Variants in STK31 observed in about 807,000 individuals in gnomAD.
STK31 encodes the protein serine/threonine kinase 31, also known as serine/threonine-protein kinase 31.
In STK31, 89 loss-of-function variants were observed where a neutral mutation model predicts 129.7. The observed-to-expected ratio is 0.69, with a 90% CI of 0.58 to 0.82. The LOEUF is 0.82. STK31 is among the 40% of genes least tolerant of loss of function. STK31 has a pLI of 0.00. For missense variants in STK31, 1,187 were observed against 1,176.4 expected (o/e 1.01, Z -0.13); for synonymous variants, 448 against 395.3 (o/e 1.13, Z -1.58).
At chr7:23,754,778 C>T (rs1011383611) in intron 10 of STK31, among the ~76,000 whole-genome samples, 1 of 152,080 alleles carries the variant, frequency 6.6e-6, no homozygotes, top group South Asian at 2.1e-4. Flanking sequence ...TGTTAGTTTG[C>T]CGAAGATGAT....
chr7:23,730,518 T>C (rs1787338142), intron 6 of STK31, among the ~76,000 whole-genome samples: 1 of 152,130 alleles, frequency 6.6e-6, no homozygotes, highest in Non-Finnish European at 1.5e-5. Flanking sequence ...GGGAGGCTTG[T>C]TTTGGATTTC....
At chr7:23,779,618 G>T (rs1385556256) in intron 15 of STK31, among the ~76,000 whole-genome samples, 1 of 152,126 alleles carries the variant, frequency 6.6e-6, no homozygotes, top group East Asian at 1.9e-4. Flanking sequence ...GAACTTCCTG[G>T]TGGCTTTGTT....
chr7:23,725,882 T>C (rs1787033473), intron 4 of STK31: 1 of 152,240 alleles, frequency 6.6e-6, no homozygotes, highest in Non-Finnish European at 1.5e-5. Flanking sequence ...AACAAGGGAC[T>C]CAGGGTGCTT....
At chr7:23,727,022 A>G (rs1787129617) in intron 4 of STK31, among the ~76,000 whole-genome samples, 1 of 152,146 alleles carries the variant, frequency 6.6e-6, no homozygotes. Context: ...TGAACTCTGA[A>G]GTCAGAAGTT....
At chr7:23,722,794 C>G (rs1320829385) in intron 4 of STK31, 4 of 143,454 alleles carry the variant, frequency 2.8e-5, no homozygotes, top group Non-Finnish European at 6.3e-5. Context: ...TGGCGGACGC[C>G]CCTCCCCCAG....
intron 4 of STK31, among the ~76,000 whole-genome samples, chr7:23,726,627 AAAG>A (rs1787100206): frequency 6.6e-6 from 1 of 151,630 alleles, no homozygotes; most frequent in South Asian, 2.1e-4. Flanking sequence ...AAAAAAAAAA[AAAG>A]AAAAGAAAAT....
chr7:23,751,762 A>C (rs959992768), intron 8 of STK31, among the ~76,000 whole-genome samples: 1 of 152,168 alleles, frequency 6.6e-6, no homozygotes, highest in African/African-American at 2.4e-5. Flanking sequence ...ATATACATTT[A>C]GAATTGTTGG....
chr7:23,747,297 A>G (rs1489694420), intron 8 of STK31, among the ~76,000 whole-genome samples: 1 of 152,108 alleles, frequency 6.6e-6, no homozygotes, highest in Non-Finnish European at 1.5e-5. Context: ...TAGGCCTGAC[A>G]TTTTCTGTTT....
At position 23,788,475 on chromosome 7, in the gene STK31, T is replaced by C. The variant is rs187826550; in HGVS notation, c.2637+346T>C. 3.9e-5 allele frequency among the ~76,000 whole-genome samples: 6 copies of C among 152,294 alleles called. No individual in the cohort carries two copies. The East Asian group carries it at 7.7e-4, about 20-fold the overall frequency. Reference sequence around the variant, plus strand: ...CTCTCCACTGGTGTCCCTCCGTCTATAGATACAATTTACATATACGTACTT... The same window carrying C: ...CTCTCCACTGGTGTCCCTCCGTCTACAGATACAATTTACATATACGTACTT... On this transcript the variant is annotated intron_variant, in intron 21 of 23. Coordinates refer to ENST00000355870, the MANE Select transcript of STK31 (RefSeq NM_031414.5).
intron 8 of STK31, 63 bp downstream of exon 8, chr7:23,737,141 T>C: frequency 1.5e-6 from 2 of 1,353,636 alleles, no homozygotes; most frequent in Non-Finnish European, 1.9e-6. Flanking sequence ...CATCTGCTGC[T>C]ATTTATTTTT....
rs1180996398 is a variant in STK31, at chr7:23,769,153, A to G, written c.1575A>G (p.Ala525=). Residue 525 remains alanine, a synonymous_variant, in exon 12 of 24, where the codon GCA becomes GCG. Transcript: ENST00000355870. ...ETDASLHRLV[A]WFQRTLKVFD... ...ACGCTTCTCTGCACCGTCTTGTAGCATGGTTCCAAAGAACCTTAAAGGTAA... is the reference window on the plus strand; with the variant it reads ...ACGCTTCTCTGCACCGTCTTGTAGCGTGGTTCCAAAGAACCTTAAAGGTAA... 2.5e-6 allele frequency: 4 copies of G among 1,598,092 alleles called. No individual in the cohort carries two copies. Among genetic ancestry groups the G allele is most frequent in the Admixed American group, 1.8e-5 (1 of 56,814 alleles).
chr7:23,754,612 G>T, intron 10 of STK31, 138 bp downstream of exon 10: 2 of 899,446 alleles, frequency 2.2e-6, no homozygotes, highest in Non-Finnish European at 3.3e-6. Context: ...ATGCGCCGTG[G>T]TAGTTTGCTG....
intron 9 of STK31, among the ~76,000 whole-genome samples, chr7:23,753,651 A>AG (rs1246320439): frequency 3.3e-5 from 5 of 152,196 alleles, no homozygotes; most frequent in South Asian, 2.1e-4. Context: ...CTGTGGTGGT[A>AG]GGGGGCGCTT....
chr7:23,832,004 C>T (rs1222768860), intron 23 of STK31, 132 bp from the exon 24 acceptor site: 1 of 639,630 alleles, frequency 1.6e-6, no homozygotes, highest in Non-Finnish European at 2.7e-6. Context: ...AGGGGAGTAC[C>T]AGATACCTCG....
At chr7:23,785,268 T>C (rs998432437) in intron 17 of STK31, among the ~76,000 whole-genome samples, 1 of 150,034 alleles carries the variant, frequency 6.7e-6, no homozygotes, top group African/African-American at 2.5e-5. Flanking sequence ...TAGCAGTAAT[T>C]AAATGTATGG....
At chr7:23,806,672 G>A (rs573838193) in intron 22 of STK31, among the ~76,000 whole-genome samples, 7 of 152,132 alleles carry the variant, frequency 4.6e-5, no homozygotes, top group South Asian at 2.1e-4. Flanking sequence ...AGGCCGAGGC[G>A]GGTGGATCAC....
chr7:23,782,790 A>G (rs1475535368), intron 16 of STK31, among the ~76,000 whole-genome samples: 2 of 152,204 alleles, frequency 1.3e-5, no homozygotes, highest in Non-Finnish European at 2.9e-5. Context: ...TTATTTTAAA[A>G]TGTCACTGTG....
At chr7:23,829,939 T>A (rs894639903) in intron 23 of STK31, among the ~76,000 whole-genome samples, 161 of 152,274 alleles carry the variant, frequency 1.1e-3, no homozygotes, top group African/African-American at 3.7e-3. Flanking sequence ...ATAGTCTTTA[T>A]GTTTTGTATT....
chr7:23,772,131 A>G lies in STK31; in HGVS notation c.1834-16A>G. 1 of 1,517,450 alleles carries G rather than the reference A, an allele frequency of 6.6e-7. No homozygotes were observed. The highest frequency in any genetic ancestry group is 8.9e-7 in the Non-Finnish European group (1 of 1,123,118). The allele number at this position is 1,517,450 out of a possible 1,614,324, so 94.0% of individuals were successfully genotyped here. A position where few individuals can be genotyped will look rare whatever the true frequency, so the allele number is the denominator to read the frequency against. On this transcript the variant is annotated splice_polypyrimidine_tract_variant and intron_variant, in intron 14 of 23. Coordinates refer to ENST00000355870, the MANE Select transcript of STK31 (RefSeq NM_031414.5). ...TTTCTTATGTGTTTGAAAATACGTAACTTTTGTTTACTTAGTTTAAAAAGC... is the reference window on the plus strand; with the variant it reads ...TTTCTTATGTGTTTGAAAATACGTAGCTTTTGTTTACTTAGTTTAAAAAGC...
Sources: gnomAD v4.1 joint callset for allele counts (sites outside exome capture counted in the v4.1 genomes callset) on GRCh38, gnomAD v4.1.1 for gene constraint, MANE v1.5 for transcripts, NCBI Gene and HGNC (gene_info 2026-07-23, HGNC 2026-07-21) for gene names.